RP1: variants seen among roughly 807,000 people sequenced by gnomAD.
The protein encoded by RP1 is oxygen-regulated protein 1.
In RP1, 16 loss-of-function variants were observed where a neutral mutation model predicts 14.8. The ratio of observed to expected loss-of-function variants is 1.08; its 90% CI spans 0.73 to 1.65. RP1 has a LOEUF of 1.65. Ranked by LOEUF, RP1 falls within the 40% of genes most tolerant of loss-of-function variation. RP1 has a pLI of 0.00. For synonymous variants in RP1, 876 were observed against 883.6 expected, an observed-to-expected ratio of 0.99 and a Z score of 0.15; for missense variants, 2,631 against 2,535.0, an observed-to-expected ratio of 1.04 and a Z score of -0.81.
In RP1 at chr8:54,624,768, C is replaced by T. The variant is rs1439114692; in HGVS notation, c.886C>T (p.Pro296Ser). 4.3e-6 allele frequency: 7 copies of T among 1,613,772 alleles called. No individual in the cohort carries two copies. Among genetic ancestry groups the T allele is most frequent in the Non-Finnish European group, 5.9e-6 (7 of 1,179,846 alleles). ...TTGCTACTTAGACTATTCTTTTGTTCCTGAAAAGTACTTGGCCTTAGAAAA... is the reference window on the plus strand; with the variant it reads ...TTGCTACTTAGACTATTCTTTTGTTTCTGAAAAGTACTTGGCCTTAGAAAA... ...NDCYLDYSFV[P>S]EKYLALEKND... is the part of the protein sequence containing the mutation. The change falls in exon 4 of 4, where the codon CCT becomes TCT. Residue 296 changes from proline (P) to serine (S), a missense_variant. By Grantham distance (74) the Pro-to-Ser change is moderately conservative (BLOSUM62 -1). Transcript: ENST00000220676.
At chr8:54,833,970 G>A (rs71517599) in intron 24 of RP1, among the ~76,000 whole-genome samples, 19 of 151,930 alleles carry the variant, frequency 1.3e-4, no homozygotes, top group South Asian at 8.3e-4. Context: ...ACAGCTATAT[G>A]ATTTATTTAA....
downstream of RP1, among the ~76,000 whole-genome samples, chr8:54,632,276 C>A (rs1806261436): frequency 6.6e-6 from 1 of 152,076 alleles, no homozygotes; most frequent in Non-Finnish European, 1.5e-5. Flanking sequence ...TTTATAAAAA[C>A]CAGGAGGTTT....
intron 16 of RP1, among the ~76,000 whole-genome samples, chr8:54,720,561 G>C (rs953659729): frequency 6.6e-6 from 1 of 152,152 alleles, no homozygotes; most frequent in Admixed American, 6.5e-5. Flanking sequence ...GTGTGCATTC[G>C]TGTGTCTGTG....
chr8:54,743,023 T>C (rs563867106), intron 19 of RP1, among the ~76,000 whole-genome samples: 25 of 152,322 alleles, frequency 1.6e-4, no homozygotes, highest in Admixed American at 5.2e-4. Context: ...GAACACTAAT[T>C]AATTGATTGA....
At chr8:54,706,792 A>T in intron 15 of RP1, 1 of 835,870 alleles carries the variant, frequency 1.2e-6, no homozygotes, top group Non-Finnish European at 1.9e-6. Flanking sequence ...TATTTTTAAT[A>T]AGTGAGGAGA....
chr8:54,657,872 A>G (rs1254112222), intron 6 of RP1, among the ~76,000 whole-genome samples: 1 of 152,254 alleles, frequency 6.6e-6, no homozygotes, highest in Admixed American at 6.5e-5. Flanking sequence ...GTGGGCTCAC[A>G]GTCTGTGTGA....
chr8:54,582,143 A>G, intron 1 of RP1, among the ~76,000 whole-genome samples: 1 of 152,162 alleles, frequency 6.6e-6, no homozygotes, highest in East Asian at 1.9e-4. Context: ...TAGGTCTAAC[A>G]TTTACGTCTT....
Position 54,643,053 on chromosome 8 carries a change from C to T in RP1, c.788-5932C>T, listed in dbSNP as rs570877017. Among the ~76,000 whole-genome samples, 14 of 151,066 alleles carry T rather than the reference C, an allele frequency of 9.3e-5. No individual in the cohort carries two copies. In the South Asian group the frequency reaches 2.1e-3, roughly 23 times the overall value. ...CCTGTCCATTTTTCCATTGTGATATCGATGTTTTGTTTAGTTTTGTTTTAT... is the reference window on the plus strand; with the variant it reads ...CCTGTCCATTTTTCCATTGTGATATTGATGTTTTGTTTAGTTTTGTTTTAT... On this transcript the variant is annotated intron_variant, in intron 3 of 22. Coordinates refer to the RP1 transcript ENST00000636932.
At chr8:54,588,529 T>A (rs1397198039) in intron 1 of RP1, among the ~76,000 whole-genome samples, 1 of 152,158 alleles carries the variant, frequency 6.6e-6, no homozygotes. Context: ...GCACACAGGC[T>A]ATGGCTTTGG....
chr8:54,590,617 C>T lies in RP1; in HGVS notation c.-12-30338C>T, dbSNP rs74956162. Among the ~76,000 whole-genome samples the T allele has an allele frequency of 7.1e-3, 1,076 of 152,270 alleles. 12 individuals are homozygous for T. Among genetic ancestry groups the T allele is most frequent in the African/African-American group, 0.024 (1,015 of 41,556 alleles). The stretch of plus-strand genomic sequence containing the variant: ...AGACCTTGCTTGAAAAGCCCAAGGA[C>T]GTTATCTTAGGCTCTCTTCTCTTTC... On this transcript the variant is annotated intron_variant, in intron 1 of 22. Coordinates refer to the RP1 transcript ENST00000636932.
chr8:54,782,327 T>C (rs1810208855), intron 23 of RP1, among the ~76,000 whole-genome samples: 1 of 152,162 alleles, frequency 6.6e-6, no homozygotes, highest in Admixed American at 6.5e-5. Flanking sequence ...CAAAATTTAT[T>C]TGATGCAAGT....
In RP1 at chr8:54,562,847, T is replaced by G. The variant is rs184815787; in HGVS notation, c.-13+3527T>G. 4.0e-3 allele frequency among the ~76,000 whole-genome samples: 607 copies of G among 152,198 alleles called. 1 individual carries two copies. Among genetic ancestry groups the G allele is most frequent in the African/African-American group, 0.014 (577 of 41,514 alleles). On this transcript the variant is annotated intron_variant, in intron 1 of 22. Coordinates refer to the RP1 transcript ENST00000636932. ...GAAGAGCAAAGCAGTTTTCCAAAGGTCTTTGAAATTCCCCAGGGAGTTCTG... is the reference window on the plus strand; with the variant it reads ...GAAGAGCAAAGCAGTTTTCCAAAGGGCTTTGAAATTCCCCAGGGAGTTCTG...
At chr8:54,808,506 G>A (rs17405784) in intron 24 of RP1, among the ~76,000 whole-genome samples, 21,364 of 152,178 alleles carry the variant, frequency 0.14, 1,586 homozygotes, top group Admixed American at 0.17. Context: ...TACAGGGAAT[G>A]GGAGTTAGAA....
At chr8:54,592,717 A>G (rs777154228) in intron 1 of RP1, among the ~76,000 whole-genome samples, 2 of 152,138 alleles carry the variant, frequency 1.3e-5, no homozygotes, top group Non-Finnish European at 2.9e-5. Context: ...CCAGTTGCTC[A>G]CACAGCTATC....
chr8:54,622,247 G>A lies in RP1; in HGVS notation c.746G>A (p.Arg249His), dbSNP rs373574136. ...GCTAGATTACCAGGGATCTCTCAGC[G>A]TGTGTACCCCAAGGGAAATGCAAAG... ...LPARLPGISQ[R>H]VYPKGNAKSE... Residue 249 changes from arginine to histidine, a missense_variant, in exon 3 of 4, where the codon CGT becomes CAT. Arg to His is a conservative substitution (Grantham distance 29). Coordinates refer to ENST00000220676, the MANE Select transcript of RP1 (RefSeq NM_006269.2). 9 of 1,613,968 alleles carry A rather than the reference G, an allele frequency of 5.6e-6. No homozygotes were observed. Among genetic ancestry groups the A allele is most frequent in the East Asian group, 2.2e-5 (1 of 44,880 alleles).
At chr8:54,583,915 T>C (rs1391908565) in intron 1 of RP1, among the ~76,000 whole-genome samples, 3 of 152,132 alleles carry the variant, frequency 2.0e-5, no homozygotes, top group East Asian at 1.9e-4. Context: ...GTCTTGCTAG[T>C]GGTCTATCAA....
intron 23 of RP1, chr8:54,783,508 CCCCT>C (rs1810239844): frequency 9.3e-7 from 1 of 1,076,288 alleles, no homozygotes; most frequent in African/African-American, 1.6e-5. Flanking sequence ...ATGTGTTTTT[CCCCT>C]ATACTTTTAT....
intron 24 of RP1, among the ~76,000 whole-genome samples, chr8:54,795,718 T>C (rs16920765): frequency 0.026 from 3,973 of 152,230 alleles, 158 homozygotes; most frequent in African/African-American, 0.09. Flanking sequence ...CTAACATCTT[T>C]ATTTGTGGAC....
chr8:54,642,679 C>T (rs1317269858), intron 3 of RP1, among the ~76,000 whole-genome samples: 3 of 152,020 alleles, frequency 2.0e-5, no homozygotes, highest in Non-Finnish European at 2.9e-5. Context: ...GAAGAATGTT[C>T]TTAGTACACA....
Sources: allele counts gnomAD v4.1 joint callset (sites outside exome capture counted in the v4.1 genomes callset), GRCh38; gene constraint gnomAD v4.1.1; transcripts MANE v1.5; gene names NCBI Gene and HGNC (gene_info 2026-07-23, HGNC 2026-07-21).